Variants in NTM observed in about 807,000 individuals in gnomAD.
NTM encodes the protein IgLON family member 2.
A neutral mutation model predicts 42.1 loss-of-function variants in NTM; 13 were observed. That is an observed-to-expected ratio of 0.31 (90% CI 0.20 to 0.49). The LOEUF (loss-of-function observed/expected upper bound fraction) is 0.49. Among genes scored for constraint, NTM ranks in the 20% least tolerant of loss-of-function variants. NTM has a pLI of 0.99. For synonymous variants in NTM, 187 were observed against 179.2 expected (o/e 1.04, Z -0.35); for missense variants, 373 against 452.8 (o/e 0.82, Z 1.60).
intron 2 of NTM, among the ~76,000 whole-genome samples, chr11:132,037,483 A>G (rs904674578): frequency 6.6e-6 from 1 of 152,190 alleles, no homozygotes; most frequent in African/African-American, 2.4e-5. Flanking sequence ...AGGCCAGACA[A>G]TTGCTGAAGT....
At chr11:131,478,178 C>A (rs138960703) in intron 1 of NTM, among the ~76,000 whole-genome samples, 13 of 152,288 alleles carry the variant, frequency 8.5e-5, no homozygotes, top group Non-Finnish European at 1.8e-4. Flanking sequence ...TTTCTTGTGG[C>A]ACCTAACTTT....
chr11:131,529,574 A>G (rs942647330), intron 1 of NTM, among the ~76,000 whole-genome samples: 1 of 152,214 alleles, frequency 6.6e-6, no homozygotes, highest in East Asian at 1.9e-4. Context: ...GTGGGTTTCT[A>G]CAGCATGGGA....
chr11:131,880,492 A>C (rs2049291623), intron 1 of NTM, among the ~76,000 whole-genome samples: 1 of 152,202 alleles, frequency 6.6e-6, no homozygotes, highest in Non-Finnish European at 1.5e-5. Context: ...GAGGAAGAGA[A>C]AGTTTAAGCT....
chr11:132,271,498 T>A (rs1013232025), intron 4 of NTM, among the ~76,000 whole-genome samples: 13 of 152,326 alleles, frequency 8.5e-5, no homozygotes, highest in African/African-American at 2.9e-4. Flanking sequence ...GCTGTACCAT[T>A]GTACATTCTC....
At chr11:131,504,534 A>G (rs983737438) in intron 1 of NTM, among the ~76,000 whole-genome samples, 1 of 152,082 alleles carries the variant, frequency 6.6e-6, no homozygotes, top group Non-Finnish European at 1.5e-5. Flanking sequence ...TCCAGCTCCA[A>G]ATAGAATTTG....
intron 1 of NTM, among the ~76,000 whole-genome samples, chr11:131,586,664 GATA>G (rs1384145090): frequency 1.3e-5 from 2 of 152,172 alleles, no homozygotes; most frequent in Non-Finnish European, 2.9e-5. Context: ...GAAACTGTGA[GATA>G]ATAACAGTTT....
At chr11:131,994,278 G>A (rs1054690978) in intron 2 of NTM, among the ~76,000 whole-genome samples, 11 of 152,194 alleles carry the variant, frequency 7.2e-5, no homozygotes, top group African/African-American at 2.4e-4. Flanking sequence ...CAGTCAATGA[G>A]TAAACATTCT....
At position 131,865,143 on chromosome 11, in the gene NTM, G is replaced by A. The variant is rs531912107; in HGVS notation, c.83-46421G>A. On this transcript the variant is annotated intron_variant, in intron 1 of 8. Transcript: ENST00000683400. ...GACAATGTACAAGTCCCCAAAGGCA[G>A]GTATTAGTATCCCCATTTACAGATA... is the stretch of plus-strand genomic sequence containing the variant. 2.6e-5 allele frequency among the ~76,000 whole-genome samples: 4 copies of A among 152,288 alleles called. No homozygotes were observed. The South Asian group carries it at 8.3e-4, about 32-fold the overall frequency.
At chr11:132,031,487 T>A (rs769143059) in intron 2 of NTM, among the ~76,000 whole-genome samples, 19 of 152,126 alleles carry the variant, frequency 1.2e-4, no homozygotes, top group Non-Finnish European at 2.6e-4. Context: ...GATTTGTTTT[T>A]CAGGTAGAGT....
chr11:131,539,815 C>G (rs7935685), intron 1 of NTM, among the ~76,000 whole-genome samples: 12,228 of 152,174 alleles, frequency 0.08, 1,666 homozygotes, highest in African/African-American at 0.28. Flanking sequence ...AGGTTGAACT[C>G]TATCTGAGCT....
chr11:131,973,262 G>T (rs1323098032), intron 2 of NTM, among the ~76,000 whole-genome samples: 1 of 152,216 alleles, frequency 6.6e-6, no homozygotes, highest in South Asian at 2.1e-4. Flanking sequence ...AGGATACAGA[G>T]GGGGAAGTTG....
At chr11:131,698,693 G>A (rs1438457256) in intron 1 of NTM, among the ~76,000 whole-genome samples, 1 of 152,226 alleles carries the variant, frequency 6.6e-6, no homozygotes, top group Non-Finnish European at 1.5e-5. Context: ...TACATGGCGA[G>A]TTCGCATCAA....
chr11:131,965,875 A>C (rs1030020953), intron 2 of NTM, among the ~76,000 whole-genome samples: 2 of 143,008 alleles, frequency 1.4e-5, no homozygotes, highest in Non-Finnish European at 3.1e-5. Context: ...TAAATAGTAC[A>C]TGGAAAAAGG....
In NTM at chr11:132,003,294, G is replaced by A. The variant is rs1246694347; in HGVS notation, c.167+91646G>A. Among the ~76,000 whole-genome samples, 1 of 149,328 alleles carries A rather than the reference G, an allele frequency of 6.7e-6. No homozygotes were observed. Among genetic ancestry groups the A allele is most frequent in the East Asian group, 2.0e-4 (1 of 5,016 alleles). On this transcript the variant is annotated intron_variant, in intron 2 of 8. Transcript: ENST00000683400. The surrounding 1 kb of genome is among the most constrained non-coding windows in gnomAD (Gnocchi z 6.0). ...TGACAGGTTATTTGTTGCCCAGGTT[G>A]GAGTGCAGTGACGCAATCACAGCTT...
chr11:131,654,215 C>T (rs1404323572), intron 1 of NTM, among the ~76,000 whole-genome samples: 1 of 152,190 alleles, frequency 6.6e-6, no homozygotes, highest in Non-Finnish European at 1.5e-5. Context: ...AGGAGGTCGT[C>T]TGCCTTTTCT....
At chr11:132,090,745 A>G (rs1333578302) in intron 2 of NTM, among the ~76,000 whole-genome samples, 1 of 151,972 alleles carries the variant, frequency 6.6e-6, no homozygotes, top group Non-Finnish European at 1.5e-5. Flanking sequence ...TTCATCTATC[A>G]CTGTCAGACT....
At chr11:131,481,281 C>A (rs1953551494) in intron 1 of NTM, among the ~76,000 whole-genome samples, 1 of 152,152 alleles carries the variant, frequency 6.6e-6, no homozygotes, top group Non-Finnish European at 1.5e-5. Context: ...TTGGAAAAGT[C>A]CTAGAAGATC....
At chr11:131,996,129 T>C (rs1199474119) in intron 2 of NTM, among the ~76,000 whole-genome samples, 1 of 152,198 alleles carries the variant, frequency 6.6e-6, no homozygotes. Context: ...CCCTAAAGAA[T>C]TTGGACTTTC....
At chr11:132,112,147 A>G (rs2063295584) in intron 2 of NTM, among the ~76,000 whole-genome samples, 1 of 152,142 alleles carries the variant, frequency 6.6e-6, no homozygotes, top group Non-Finnish European at 1.5e-5. Context: ...TATGTGGTGC[A>G]TTCTAGTTCG....
Sources: allele counts gnomAD v4.1 joint callset (sites outside exome capture counted in the v4.1 genomes callset), GRCh38; gene constraint gnomAD v4.1.1; non-coding constraint Gnocchi (gnomAD v3.1); transcripts MANE v1.5; gene names NCBI Gene and HGNC (gene_info 2026-07-23, HGNC 2026-07-21).